VWC2: variants seen among roughly 807,000 people sequenced by gnomAD.
The protein encoded by VWC2 is von Willebrand factor C domain containing 2.
Under a neutral mutation model 29.8 loss-of-function variants are expected in VWC2, and 14 were observed. The ratio of observed to expected loss-of-function variants is 0.47; its 90% confidence interval spans 0.31 to 0.74. VWC2 has a LOEUF of 0.74. Among genes scored for constraint, VWC2 ranks in the 30% least tolerant of loss-of-function variants. The probability of loss-of-function intolerance (pLI) is 0.05; values close to 1 mark genes in which losing one functional copy is unlikely to be tolerated. For synonymous variants in VWC2, 213 were observed against 199.0 expected (o/e 1.07, Z -0.59); for missense variants, 457 against 459.8 (o/e 0.99, Z 0.05).
intron 3 of VWC2, among the ~76,000 whole-genome samples, chr7:49,886,935 T>C (rs1791929218): frequency 6.6e-6 from 1 of 151,574 alleles, no homozygotes; most frequent in African/African-American, 2.4e-5. Context: ...TTTTTAGTTA[T>C]TTTTTTTTCT....
At chr7:49,904,598 A>G (rs1792977567) in intron 3 of VWC2, among the ~76,000 whole-genome samples, 1 of 152,242 alleles carries the variant, frequency 6.6e-6, no homozygotes, top group African/African-American at 2.4e-5. Context: ...ATCCAAATTT[A>G]CATTTTAGTT....
chr7:49,880,496 C>A (rs958482238), intron 3 of VWC2, among the ~76,000 whole-genome samples: 2 of 151,728 alleles, frequency 1.3e-5, no homozygotes, highest in African/African-American at 2.4e-5. Flanking sequence ...AATTCAGCTT[C>A]TTTATTAGAT....
chr7:49,795,903 T>C (rs1459248199), intron 2 of VWC2, among the ~76,000 whole-genome samples: 1 of 152,100 alleles, frequency 6.6e-6, no homozygotes, highest in East Asian at 1.9e-4. Context: ...AGAACCTCAG[T>C]GATAGATCAT....
rs1793537953 is a variant in VWC2 at position 49,913,011 on chromosome 7, G to A, written c.*826G>A. 6.6e-6 allele frequency: 1 copy of A among 152,154 alleles called. No homozygotes were observed. The highest frequency in any genetic ancestry group is 1.9e-4 in the East Asian group (1 of 5,196). 9.4% of individuals were successfully genotyped at this position (152,154 alleles called of 1,614,324 possible). A position where few individuals can be genotyped will look rare whatever the true frequency, so the allele number is the denominator to read the frequency against. On this transcript the variant is annotated 3_prime_UTR_variant, in exon 4 of 4. Coordinates refer to ENST00000340652, the MANE Select transcript of VWC2 (RefSeq NM_198570.5). ...AAGCTGAAGCAGACAACAAAATAGG[G>A]GAGGAGTCCTTCGATTCTCCTAGGA...
At chr7:49,892,740 C>G (rs549738958) in intron 3 of VWC2, among the ~76,000 whole-genome samples, 54 of 152,310 alleles carry the variant, frequency 3.5e-4, no homozygotes, top group African/African-American at 1.2e-3. Flanking sequence ...GCAAAGGAGA[C>G]AGTGACATTT....
intron 2 of VWC2, among the ~76,000 whole-genome samples, chr7:49,777,067 T>G (rs1407047369): frequency 6.6e-6 from 1 of 152,198 alleles, no homozygotes; most frequent in Admixed American, 6.5e-5. Context: ...AGGTAAAATC[T>G]CTGCCAGTGG....
intron 3 of VWC2, among the ~76,000 whole-genome samples, chr7:49,818,202 T>C (rs958318392): frequency 1.3e-5 from 2 of 152,206 alleles, no homozygotes; most frequent in African/African-American, 4.8e-5. Context: ...AGAATTCCTA[T>C]TACTTAAGTA....
intron 3 of VWC2, among the ~76,000 whole-genome samples, chr7:49,904,704 A>G (rs1417042359): frequency 6.6e-6 from 1 of 151,976 alleles, no homozygotes; most frequent in African/African-American, 2.4e-5. Flanking sequence ...AAATATTTGA[A>G]GCAGGAAAAA....
At chr7:49,887,981 A>G (rs906838329) in intron 3 of VWC2, among the ~76,000 whole-genome samples, 28 of 152,016 alleles carry the variant, frequency 1.8e-4, no homozygotes, top group Middle Eastern at 6.8e-3. Context: ...TTCACAATGC[A>G]TTGCCCTTCA....
chr7:49,828,542 C>T (rs1344688737), intron 3 of VWC2, among the ~76,000 whole-genome samples: 1 of 152,200 alleles, frequency 6.6e-6, no homozygotes, highest in African/African-American at 2.4e-5. Context: ...TATTGTCAGT[C>T]TTTCTAAAAT....
intron 3 of VWC2, among the ~76,000 whole-genome samples, chr7:49,868,351 G>A (rs1791000804): frequency 6.6e-6 from 1 of 152,130 alleles, no homozygotes; most frequent in African/African-American, 2.4e-5. Flanking sequence ...ATATTTCAAA[G>A]TATTGATGGT....
intron 2 of VWC2, among the ~76,000 whole-genome samples, chr7:49,786,449 G>C (rs760172196): frequency 6.6e-6 from 1 of 152,174 alleles, no homozygotes; most frequent in Non-Finnish European, 1.5e-5. Context: ...GAACATAGGA[G>C]TGCATGTGTC....
chr7:49,893,936 G>A (rs1038395922), intron 3 of VWC2, among the ~76,000 whole-genome samples: 12 of 152,146 alleles, frequency 7.9e-5, no homozygotes, highest in Non-Finnish European at 1.2e-4. Context: ...AATAAAATGC[G>A]TTGCCACAAG....
At chr7:49,783,027 C>T (rs182397174) in intron 2 of VWC2, among the ~76,000 whole-genome samples, 87 of 152,164 alleles carry the variant, frequency 5.7e-4, no homozygotes, top group East Asian at 2.5e-3. Context: ...GAGGTAGCCA[C>T]GCCCTGGTCC....
chr7:49,875,985 C>T (rs895937474), intron 3 of VWC2, among the ~76,000 whole-genome samples: 5 of 152,146 alleles, frequency 3.3e-5, no homozygotes, highest in African/African-American at 9.7e-5. Context: ...TGTGCTGGCA[C>T]ACTTATTCTG....
chr7:49,866,612 T>C lies in VWC2; in HGVS notation c.827-45422T>C, dbSNP rs2128721924. On this transcript the variant is annotated intron_variant, in intron 3 of 3. Transcript: ENST00000340652. The stretch of plus-strand genomic sequence containing the variant: ...GAAAACAGCCTCCTTCTTGATGGGA[T>C]GAAATGCAACATCCTGTCACAAAAG... Among the ~76,000 whole-genome samples the C allele has an allele frequency of 2.0e-5, 3 of 152,328 alleles. No homozygotes were observed. In the Middle Eastern group the frequency reaches 0.01, roughly 518 times the overall value.
At chr7:49,853,799 T>C (rs1236530758) in intron 3 of VWC2, among the ~76,000 whole-genome samples, 1 of 152,092 alleles carries the variant, frequency 6.6e-6, no homozygotes. Context: ...TGTGCCATGT[T>C]GGTGTGCTGC....
intron 3 of VWC2, among the ~76,000 whole-genome samples, chr7:49,839,260 A>G (rs1789739500): frequency 2.0e-5 from 3 of 152,224 alleles, no homozygotes; most frequent in Admixed American, 2.0e-4. Context: ...GGCAGCACCA[A>G]TATAAGAATG....
chr7:49,877,481 A>AAAAATATACATATATAT lies in VWC2; in HGVS notation c.827-34552_827-34551insAAATATACATATATATA. ...CTGTCTCAAAAAAAAAAAAAAAAAAAATATATATATATATATATATATATA... is the reference window on the plus strand; with the variant it reads ...CTGTCTCAAAAAAAAAAAAAAAAAAAAAAATATACATATATATATATATATATATATATATATATATA... On this transcript the variant is annotated intron_variant, in intron 3 of 3. Coordinates refer to ENST00000340652, the MANE Select transcript of VWC2 (RefSeq NM_198570.5). 1.0e-3 allele frequency among the ~76,000 whole-genome samples: 13 copies of AAAAATATACATATATAT among 12,730 alleles called. 2 individuals are homozygous for AAAAATATACATATATAT. Among genetic ancestry groups the AAAAATATACATATATAT allele is most frequent in the Middle Eastern group, 0.05 (1 of 20 alleles). The allele number at this position is 12,730 out of a possible 152,430, so 8.4% of individuals were successfully genotyped here. A position where few individuals can be genotyped will look rare whatever the true frequency, so the allele number is the denominator to read the frequency against.
Sources: allele counts gnomAD v4.1 joint callset (sites outside exome capture counted in the v4.1 genomes callset), GRCh38; gene constraint gnomAD v4.1.1; transcripts MANE v1.5; gene names NCBI Gene and HGNC (gene_info 2026-07-23, HGNC 2026-07-21).